The following SCRN1 variants were observed in gnomAD, a reference collection of about 807,000 sequenced individuals.
SCRN1 encodes secernin-1.
Under a neutral mutation model 43.3 loss-of-function variants are expected in SCRN1, and 19 were observed. The ratio of observed to expected loss-of-function variants is 0.44; its 90% confidence interval spans 0.31 to 0.64. The LOEUF (loss-of-function observed/expected upper bound fraction) is 0.64. Among genes scored for constraint, SCRN1 ranks in the 30% least tolerant of loss-of-function variants. The pLI is 0.09. For missense variants in SCRN1, 447 were observed against 524.1 expected (o/e 0.85, Z 1.44); for synonymous variants, 183 against 188.9 (o/e 0.97, Z 0.26).
rs903129224 is a variant in SCRN1, at chr7:29,926,766, GGTGA to G, written c.906-138_906-135del. The G allele has an allele frequency of 1.0e-5, 7 of 672,634 alleles. No homozygotes were observed. The African/African-American group carries it at 1.3e-4, about 12-fold the overall frequency. The allele number at this position is 672,634 out of a possible 1,614,324, so 41.7% of individuals were successfully genotyped here. A position where few individuals can be genotyped will look rare whatever the true frequency, so the allele number is the denominator to read the frequency against. ...GGTGGGTGTGGGTGACGGGTGGGTG[GGTGA>G]GTGCCAAGAGAGACATAACTGCATG... On this transcript the variant is annotated intron_variant, in intron 6 of 7. Transcript: ENST00000242059.
intron 1 of SCRN1, among the ~76,000 whole-genome samples, chr7:29,976,321 T>C (rs1173910145): frequency 6.6e-6 from 1 of 152,204 alleles, no homozygotes; most frequent in African/African-American, 2.4e-5. Context: ...ACAGCCAATA[T>C]TAGGCTAAGT....
chr7:29,936,447 CTT>C, intron 6 of SCRN1, 107 bp downstream of exon 6: 1 of 999,288 alleles, frequency 1.0e-6, no homozygotes, highest in Non-Finnish European at 1.4e-6. Context: ...AAAAACGTGA[CTT>C]TGCTATCCAA....
chr7:29,969,846 C>T lies in SCRN1; in HGVS notation c.-1-778G>A, dbSNP rs191809847. The T allele has an allele frequency of 1.5e-5, 7 of 456,356 alleles. No homozygotes were observed. The East Asian group carries it at 2.8e-4, about 18-fold the overall frequency. 28.3% of individuals were successfully genotyped at this position (456,356 alleles called of 1,614,324 possible). A position where few individuals can be genotyped will look rare whatever the true frequency, so the allele number is the denominator to read the frequency against. On this transcript the variant is annotated intron_variant, in intron 1 of 7. Coordinates refer to ENST00000242059, the MANE Select transcript of SCRN1 (RefSeq NM_014766.5). ...CAGACCCAGCTGCCTGCCTGATATC[C>T]GAAGCTGATTTCATCTTCTTCCCTT... is the stretch of plus-strand genomic sequence containing the variant.
chr7:29,985,671 C>T (rs1192669746), intron 1 of SCRN1, among the ~76,000 whole-genome samples: 3 of 152,188 alleles, frequency 2.0e-5, no homozygotes, highest in Non-Finnish European at 4.4e-5. Context: ...AGTCCCACCA[C>T]CATAGACCCT....
chr7:29,964,682 T>A (rs893492880), intron 2 of SCRN1, among the ~76,000 whole-genome samples: 1 of 152,070 alleles, frequency 6.6e-6, no homozygotes, highest in Non-Finnish European at 1.5e-5. Context: ...GTGGCTCACA[T>A]CCATAATCCC....
At chr7:29,943,607 T>G (rs530851569) in intron 4 of SCRN1, among the ~76,000 whole-genome samples, 20 of 152,160 alleles carry the variant, frequency 1.3e-4, no homozygotes, top group African/African-American at 3.6e-4. Flanking sequence ...GGGTTGGGGG[T>G]GACAAGGAGC....
rs933475564 is a variant in SCRN1, at chr7:29,989,718, C to G, written c.-78G>C. Reference sequence around the variant, plus strand: ...CGGCCGCCGAGGGTGCGGGTGCTGCCGGGTCCGGATTACTGCGGCGACCTC... The same window carrying G: ...CGGCCGCCGAGGGTGCGGGTGCTGCGGGGTCCGGATTACTGCGGCGACCTC... On this transcript the variant is annotated 5_prime_UTR_variant, in exon 1 of 8. Transcript: ENST00000242059. 3.0e-5 allele frequency: 30 copies of G among 985,804 alleles called. No individual in the cohort carries two copies. Among genetic ancestry groups the G allele is most frequent in the African/African-American group, 2.6e-4 (15 of 57,230 alleles). The allele number at this position is 985,804 out of a possible 1,614,324, so 61.1% of individuals were successfully genotyped here. A position where few individuals can be genotyped will look rare whatever the true frequency, so the allele number is the denominator to read the frequency against.
chr7:29,932,523 G>A (rs574614625), intron 6 of SCRN1, among the ~76,000 whole-genome samples: 41 of 151,566 alleles, frequency 2.7e-4, no homozygotes, highest in Middle Eastern at 6.8e-3. Flanking sequence ...GTGGTGGCAC[G>A]TGCCTGTAGT....
upstream of SCRN1, chr7:29,990,016 C>G (rs1043540509): frequency 1.6e-5 from 23 of 1,456,912 alleles, no homozygotes; most frequent in Non-Finnish European, 1.9e-5. Flanking sequence ...AAGTGGCCCC[C>G]TCTTTGCTAG....
chr7:29,946,502 C>G (rs1469309494), intron 3 of SCRN1, among the ~76,000 whole-genome samples: 2 of 152,228 alleles, frequency 1.3e-5, no homozygotes, highest in East Asian at 3.8e-4. Context: ...TGTGAATACA[C>G]AGCCAGCTGT....
chr7:29,957,296 C>T (rs910873097), intron 2 of SCRN1, among the ~76,000 whole-genome samples: 1 of 152,182 alleles, frequency 6.6e-6, no homozygotes, highest in African/African-American at 2.4e-5. Flanking sequence ...AAGGCAAAGG[C>T]GCGCACACAA....
chr7:29,990,078 A>T, upstream of SCRN1: 1 of 1,530,170 alleles, frequency 6.5e-7, no homozygotes, highest in Non-Finnish European at 8.8e-7. Context: ...GGCTTCAAGG[A>T]GCCAGGCCCA....
At chr7:29,966,138 A>C (rs112600178) in intron 2 of SCRN1, among the ~76,000 whole-genome samples, 8 of 143,704 alleles carry the variant, frequency 5.6e-5, no homozygotes, top group African/African-American at 1.8e-4. Flanking sequence ...AGAGAGAGAC[A>C]GAGAGAGAGA....
intron 1 of SCRN1, among the ~76,000 whole-genome samples, chr7:29,978,745 C>T (rs1378745733): frequency 6.6e-6 from 1 of 152,174 alleles, no homozygotes; most frequent in Non-Finnish European, 1.5e-5. Context: ...TATGGCCCTG[C>T]AATAAGGCGG....
chr7:29,975,471 T>G (rs944754051), intron 1 of SCRN1, among the ~76,000 whole-genome samples: 1 of 152,238 alleles, frequency 6.6e-6, no homozygotes, highest in Non-Finnish European at 1.5e-5. Flanking sequence ...CTGTATGTTG[T>G]GGCCTTTTTG....
At chr7:29,976,485 G>T (rs753285205) in intron 1 of SCRN1, among the ~76,000 whole-genome samples, 9 of 152,178 alleles carry the variant, frequency 5.9e-5, no homozygotes, top group Non-Finnish European at 1.3e-4. Context: ...AGATGAAAAG[G>T]CTCTGGAGAT....
intron 1 of SCRN1, among the ~76,000 whole-genome samples, chr7:29,985,494 CAG>C (rs1236694295): frequency 6.6e-6 from 1 of 151,962 alleles, no homozygotes; most frequent in Non-Finnish European, 1.5e-5. Context: ...GAGGTGGGAC[CAG>C]AGCTAGGTCC....
intron 2 of SCRN1, among the ~76,000 whole-genome samples, chr7:29,960,761 C>T (rs1463565831): frequency 6.6e-6 from 1 of 151,994 alleles, no homozygotes; most frequent in African/African-American, 2.4e-5. Flanking sequence ...GGAAGTTATT[C>T]CTCTGCTTCC....
At chr7:29,926,993 CT>C (rs767465159) in intron 6 of SCRN1, among the ~76,000 whole-genome samples, 323 of 143,176 alleles carry the variant, frequency 2.3e-3, no homozygotes, top group Middle Eastern at 3.5e-3. Context: ...AGAGGTTTGC[CT>C]TTTTTTTTTT....
Sources: allele counts gnomAD v4.1 joint callset (sites outside exome capture counted in the v4.1 genomes callset), GRCh38; gene constraint gnomAD v4.1.1; transcripts MANE v1.5; gene names NCBI Gene and HGNC (gene_info 2026-07-23, HGNC 2026-07-21).